Variants in ARMC9 observed in about 807,000 individuals in gnomAD.
ARMC9 encodes armadillo repeat containing 9, also known as lisH domain-containing protein ARMC9.
A neutral mutation model predicts 107.0 loss-of-function variants in ARMC9; 94 were observed. The observed-to-expected ratio is 0.88, with a 90% CI of 0.74 to 1.04. The LOEUF is 1.04. ARMC9 is among the 50% of genes least tolerant of loss of function. ARMC9 has a pLI of 0.00. For missense variants in ARMC9, 942 were observed against 1,030.1 expected, an observed-to-expected ratio of 0.91 and a Z score of 1.17; for synonymous variants, 380 against 396.9, an observed-to-expected ratio of 0.96 and a Z score of 0.51.
intron 5 of ARMC9, among the ~76,000 whole-genome samples, chr2:231,219,322 G>A (rs2033870793): frequency 6.6e-6 from 1 of 152,030 alleles, no homozygotes; most frequent in Non-Finnish European, 1.5e-5. Flanking sequence ...TCTTATTTAA[G>A]TACATGTCTT....
intron 19 of ARMC9, among the ~76,000 whole-genome samples, chr2:231,330,377 G>A (rs996327305): frequency 5.3e-5 from 8 of 152,014 alleles, no homozygotes; most frequent in African/African-American, 1.2e-4. Flanking sequence ...GGGGGGTCCC[G>A]GAAACCCACT....
intron 23 of ARMC9, among the ~76,000 whole-genome samples, chr2:231,361,879 GA>G (rs2045600565): frequency 6.6e-6 from 1 of 152,200 alleles, no homozygotes; most frequent in African/African-American, 2.4e-5. Context: ...GAGGCAGGAA[GA>G]GAAATCAATG....
At chr2:231,214,708 C>CT (rs1260076582) in intron 3 of ARMC9, 123 bp from the exon 4 acceptor site, 1 of 1,041,674 alleles carries the variant, frequency 9.6e-7, no homozygotes, top group South Asian at 1.7e-5. Context: ...TGTGGGATCT[C>CT]TATTTTTCTA....
chr2:231,226,804 T>C lies in ARMC9; in HGVS notation c.622+6T>C. On this transcript the variant is annotated splice_donor_region_variant and intron_variant, in intron 7 of 24. Transcript: ENST00000611582. ...GAATGGACAAAGTAACAAAGGTAAA[T>C]CATCTAGATTTAAATTTGTCTAAGA... 5.0e-6 allele frequency: 8 copies of C among 1,613,172 alleles called. No homozygotes were observed. Among genetic ancestry groups the C allele is most frequent in the Non-Finnish European group, 6.8e-6 (8 of 1,179,184 alleles).
At chr2:231,227,235 C>G (rs6437008) in intron 7 of ARMC9, among the ~76,000 whole-genome samples, 78,247 of 152,080 alleles carry the variant, frequency 0.51, 23,482 homozygotes, top group African/African-American at 0.83. Flanking sequence ...TTTCCATTCC[C>G]AAGTAGGAAT....
intron 13 of ARMC9, among the ~76,000 whole-genome samples, chr2:231,271,584 G>A (rs372809987): frequency 3.9e-5 from 6 of 152,256 alleles, no homozygotes; most frequent in African/African-American, 7.2e-5. Flanking sequence ...ATTATCTTCC[G>A]TAAGTTCTTA....
At chr2:231,354,931 A>G (rs139096281) in intron 21 of ARMC9, among the ~76,000 whole-genome samples, 5 of 152,358 alleles carry the variant, frequency 3.3e-5, no homozygotes, top group Admixed American at 1.3e-4. Context: ...ATCTGGTGCA[A>G]TGAAGCTCTC....
At chr2:231,339,396 A>G (rs2044354158) in intron 20 of ARMC9, among the ~76,000 whole-genome samples, 1 of 152,168 alleles carries the variant, frequency 6.6e-6, no homozygotes, top group Non-Finnish European at 1.5e-5. Flanking sequence ...GTAGAAAATA[A>G]TAAAAAATAA....
intron 16 of ARMC9, among the ~76,000 whole-genome samples, chr2:231,281,223 G>A (rs76645801): frequency 6.6e-6 from 1 of 151,912 alleles, no homozygotes; most frequent in Non-Finnish European, 1.5e-5. Context: ...GCCTGTATGG[G>A]GGCAGTGGGG....
intron 20 of ARMC9, among the ~76,000 whole-genome samples, chr2:231,335,982 G>C (rs2044064666): frequency 1.3e-5 from 2 of 152,128 alleles, no homozygotes. Context: ...AGGAGGCTGA[G>C]GTGGGAGGAT....
intron 11 of ARMC9, among the ~76,000 whole-genome samples, chr2:231,260,043 A>G (rs1195464614): frequency 6.6e-6 from 1 of 152,250 alleles, no homozygotes; most frequent in Non-Finnish European, 1.5e-5. Flanking sequence ...ATGTTTATTA[A>G]TTCATTTAAA....
At chr2:231,352,567 G>A (rs558533015) in intron 21 of ARMC9, among the ~76,000 whole-genome samples, 11 of 149,898 alleles carry the variant, frequency 7.3e-5, no homozygotes, top group East Asian at 2.0e-4. Context: ...CAAGTGATCC[G>A]CCCGCCTTGG....
rs2042482427 is a variant in ARMC9, at chr2:231,313,624, T to C, written c.1773+17371T>C. Among the ~76,000 whole-genome samples the C allele has an allele frequency of 5.3e-5, 8 of 152,284 alleles. No individual in the cohort carries two copies. The South Asian group carries it at 1.7e-3, about 32-fold the overall frequency. ...ACCCTGCAAAGCTCCCTTGTGCACA[T>C]TTGTAGTCAGCCCTTGCCTGGGTCC... On this transcript the variant is annotated intron_variant, in intron 19 of 24. Transcript: ENST00000611582.
intron 17 of ARMC9, among the ~76,000 whole-genome samples, chr2:231,283,952 C>A (rs2040404134): frequency 6.6e-6 from 1 of 152,180 alleles, no homozygotes; most frequent in African/African-American, 2.4e-5. Context: ...TCTCAAACTA[C>A]TAGGCTCACG....
intron 19 of ARMC9, among the ~76,000 whole-genome samples, chr2:231,311,426 A>G (rs1047784087): frequency 2.0e-5 from 3 of 152,172 alleles, no homozygotes; most frequent in Non-Finnish European, 4.4e-5. Context: ...GCACATACCA[A>G]TGGTGGGGTA....
intron 11 of ARMC9, among the ~76,000 whole-genome samples, chr2:231,259,457 T>C (rs756996018): frequency 9.9e-5 from 15 of 152,188 alleles, no homozygotes; most frequent in Admixed American, 6.5e-5. Context: ...GCCACTGCCA[T>C]GCAGCCACGC....
chr2:231,284,521 T>C (rs1411887855), intron 17 of ARMC9, among the ~76,000 whole-genome samples: 1 of 152,242 alleles, frequency 6.6e-6, no homozygotes. Context: ...CTTCTGGCTA[T>C]TGACTGGGGA....
At chr2:231,312,503 G>C (rs2042410032) in intron 19 of ARMC9, among the ~76,000 whole-genome samples, 1 of 152,230 alleles carries the variant, frequency 6.6e-6, no homozygotes, top group African/African-American at 2.4e-5. Flanking sequence ...AGGAGTTTGT[G>C]GCGGTTAAAC....
intron 19 of ARMC9, among the ~76,000 whole-genome samples, chr2:231,298,758 C>T (rs773824949): frequency 6.6e-6 from 1 of 152,118 alleles, no homozygotes; most frequent in Non-Finnish European, 1.5e-5. Flanking sequence ...CATGGTGAAA[C>T]CCCATCTCTA....
Sources: gnomAD v4.1 joint callset for allele counts (sites outside exome capture counted in the v4.1 genomes callset) on GRCh38, gnomAD v4.1.1 for gene constraint, MANE v1.5 for transcripts, NCBI Gene and HGNC (gene_info 2026-07-23, HGNC 2026-07-21) for gene names.